Variants in AGAP1 observed in about 807,000 individuals in gnomAD.
The protein encoded by AGAP1 is arf-GAP with GTPase, ANK repeat and PH domain-containing protein 1.
A neutral mutation model predicts 105.3 loss-of-function variants in AGAP1; 29 were observed. The ratio of observed to expected loss-of-function variants is 0.28; its 90% confidence interval spans 0.21 to 0.38. AGAP1 has a LOEUF of 0.38. Ranked by LOEUF, AGAP1 falls within the 10% of genes least tolerant of loss-of-function variation. AGAP1 has a pLI of 1.00. For synonymous variants in AGAP1, 509 were observed against 485.9 expected, an observed-to-expected ratio of 1.05 and a Z score of -0.63; for missense variants, 998 against 1,165.1, an observed-to-expected ratio of 0.86 and a Z score of 2.09.
rs528411987 is a variant in AGAP1, at chr2:235,586,448, T to C, written c.163+91599T>C. ...TCGGACTCCCCTGTGGAAGGCAAGG[T>C]GGAGGCAGCTGTTATGTGGTGTGTT... On this transcript the variant is annotated intron_variant, in intron 1 of 17. Coordinates refer to ENST00000304032, the MANE Select transcript of AGAP1 (RefSeq NM_001037131.3). This position sits in a 1 kb window ranked among gnomAD's most constrained non-coding sequence, Gnocchi z 4.2. Among the ~76,000 whole-genome samples the C allele has an allele frequency of 6.3e-4, 96 of 152,276 alleles. No homozygotes were observed. Among genetic ancestry groups the C allele is most frequent in the African/African-American group, 2.2e-3 (93 of 41,568 alleles).
chr2:235,730,669 GT>G (rs1448553633), intron 3 of AGAP1, among the ~76,000 whole-genome samples: 2 of 151,942 alleles, frequency 1.3e-5, no homozygotes, highest in African/African-American at 2.4e-5. Context: ...TAAAATAAAT[GT>G]ATAAAATATT....
intron 1 of AGAP1, among the ~76,000 whole-genome samples, chr2:235,509,063 CA>C (rs1487024673): frequency 3.3e-5 from 5 of 152,220 alleles, no homozygotes; most frequent in Non-Finnish European, 7.3e-5. Flanking sequence ...CAGCCACCCT[CA>C]CCTGCTTGAA....
At chr2:235,978,904 C>T (rs997412220) in intron 13 of AGAP1, among the ~76,000 whole-genome samples, 7 of 151,420 alleles carry the variant, frequency 4.6e-5, no homozygotes, top group African/African-American at 1.5e-4. Flanking sequence ...CACTCTGATA[C>T]GTTTTTAAAA....
At position 235,721,938 on chromosome 2, in the gene AGAP1, T is replaced by G. The variant is rs1307137669; in HGVS notation, c.310+4294T>G. On this transcript the variant is annotated intron_variant, in intron 3 of 17. Coordinates refer to ENST00000304032, the MANE Select transcript of AGAP1 (RefSeq NM_001037131.3). This position sits in a 1 kb window ranked among gnomAD's most constrained non-coding sequence, Gnocchi z 4.5. The stretch of plus-strand genomic sequence containing the variant: ...GCTGTCTTAATTGTGTGATGCATTT[T>G]GGTTGATATTTTATTGTTACAGTGA... Among the ~76,000 whole-genome samples, 3 of 152,210 alleles carry G rather than the reference T, an allele frequency of 2.0e-5. No individual in the cohort carries two copies. The highest frequency in any genetic ancestry group is 7.2e-5 in the African/African-American group (3 of 41,460).
At chr2:235,802,980 G>GA (rs1957608839) in intron 8 of AGAP1, among the ~76,000 whole-genome samples, 9 of 2,094 alleles carry the variant, frequency 4.3e-3, no homozygotes, top group East Asian at 0.017. Context: ...GGTTGTGGTT[G>GA]TGATGGTTGT....
chr2:236,102,146 G>C lies in AGAP1; in HGVS notation c.2115-18046G>C, dbSNP rs7591934. Among the ~76,000 whole-genome samples the C allele has an allele frequency of 2.0e-3, 306 of 152,264 alleles. 1 individual carries two copies. The highest frequency in any genetic ancestry group is 1.0e-2 in the South Asian group (48 of 4,824). ...AAAATACAAAAATTAGGCCGGGCGCGGTGGCTCACGCCTGTAATCCCAGCA... is the reference window on the plus strand; with the variant it reads ...AAAATACAAAAATTAGGCCGGGCGCCGTGGCTCACGCCTGTAATCCCAGCA... On this transcript the variant is annotated intron_variant, in intron 16 of 17. Transcript: ENST00000304032.
chr2:236,043,545 G>A (rs2057621673), intron 15 of AGAP1, among the ~76,000 whole-genome samples: 1 of 152,180 alleles, frequency 6.6e-6, no homozygotes, highest in Non-Finnish European at 1.5e-5. Flanking sequence ...TGGCCAGCGT[G>A]GTGAAACCCC....
intron 6 of AGAP1, among the ~76,000 whole-genome samples, chr2:235,768,748 G>A (rs1051986656): frequency 6.6e-6 from 1 of 152,190 alleles, no homozygotes; most frequent in African/African-American, 2.4e-5. Flanking sequence ...AGAGAGGGTA[G>A]GCACAGCCGC....
intron 1 of AGAP1, among the ~76,000 whole-genome samples, chr2:235,671,214 AGCG>A (rs1207038011): frequency 6.6e-6 from 1 of 152,202 alleles, no homozygotes. Context: ...AGCAGGGCGC[AGCG>A]GTCCTGGGTT....
rs913816920 is a variant in AGAP1, at chr2:235,716,224, A to T, written c.223-1333A>T. Among the ~76,000 whole-genome samples, 4 of 152,118 alleles carry T rather than the reference A, an allele frequency of 2.6e-5. No homozygotes were observed. The highest frequency in any genetic ancestry group is 5.9e-5 in the Non-Finnish European group (4 of 68,012). ...TGGAGGATCAGCTGGAGATGTGAGG[A>T]TGGAGCCCTGGCGAGTCCCAGTATG... On this transcript the variant is annotated intron_variant, in intron 2 of 17. Coordinates refer to ENST00000304032, the MANE Select transcript of AGAP1 (RefSeq NM_001037131.3). The surrounding 1 kb of genome is among the most constrained non-coding windows in gnomAD (Gnocchi z 4.0).
intron 2 of AGAP1, among the ~76,000 whole-genome samples, chr2:235,715,616 G>T (rs1951063894): frequency 6.6e-6 from 1 of 152,330 alleles, no homozygotes; most frequent in Admixed American, 6.5e-5. Flanking sequence ...GGGCCTCCAG[G>T]CAGCAGGAGT....
chr2:235,688,157 C>G (rs529545397), intron 1 of AGAP1, among the ~76,000 whole-genome samples: 32 of 152,208 alleles, frequency 2.1e-4, no homozygotes, highest in Admixed American at 3.9e-4. Flanking sequence ...CTGCCCACCT[C>G]GGTCTCCCAA....
chr2:235,651,675 G>GC (rs1401766551), intron 1 of AGAP1, among the ~76,000 whole-genome samples: 2 of 152,276 alleles, frequency 1.3e-5, no homozygotes, highest in South Asian at 4.1e-4. Context: ...GCAACGTTGA[G>GC]CCCCCCGAAA....
chr2:236,058,911 T>C lies in AGAP1; in HGVS notation c.2114+9630T>C, dbSNP rs2058115982. Reference sequence around the variant, plus strand: ...TGGCCATGGTGGCACAGTTCTGTAGTCCCAGCTACTCAAGAGGCTCAGGCA... The same window carrying C: ...TGGCCATGGTGGCACAGTTCTGTAGCCCCAGCTACTCAAGAGGCTCAGGCA... On this transcript the variant is annotated intron_variant, in intron 16 of 17. Coordinates refer to ENST00000304032, the MANE Select transcript of AGAP1 (RefSeq NM_001037131.3). The surrounding 1 kb of genome is among the most constrained non-coding windows in gnomAD (Gnocchi z 4.6). Among the ~76,000 whole-genome samples the C allele has an allele frequency of 6.6e-6, 1 of 152,202 alleles. No homozygotes were observed. Among genetic ancestry groups the C allele is most frequent in the Non-Finnish European group, 1.5e-5 (1 of 68,038 alleles).
At chr2:235,661,487 C>T (rs1947950677) in intron 1 of AGAP1, among the ~76,000 whole-genome samples, 2 of 123,398 alleles carry the variant, frequency 1.6e-5, no homozygotes, top group South Asian at 4.9e-4. Flanking sequence ...GTGATAGTTT[C>T]AAGGAATCCT....
intron 10 of AGAP1, among the ~76,000 whole-genome samples, chr2:235,897,499 A>G (rs1442243687): frequency 6.6e-6 from 1 of 152,196 alleles, no homozygotes; most frequent in Non-Finnish European, 1.5e-5. Flanking sequence ...GTGTGGCTGG[A>G]GGGTTTGAGT....
chr2:236,120,536 G>C lies in AGAP1; in HGVS notation c.2370+89G>C. The C allele has an allele frequency of 6.4e-7, 1 of 1,572,004 alleles. No individual in the cohort carries two copies. Among genetic ancestry groups the C allele is most frequent in the South Asian group, 1.2e-5 (1 of 84,118 alleles). On this transcript the variant is annotated intron_variant, in intron 17 of 17. Coordinates refer to ENST00000304032, the MANE Select transcript of AGAP1 (RefSeq NM_001037131.3). The surrounding 1 kb of genome is among the most constrained non-coding windows in gnomAD (Gnocchi z 6.0). The stretch of plus-strand genomic sequence containing the variant: ...TTCCGTGGGCATCTTTCTGGCAGAA[G>C]GCTGTTGTTCTCGATCTGCAAGTGG...
rs1944446249 is a variant in AGAP1 at position 235,569,334 on chromosome 2, G to C, written c.163+74485G>C. 6.6e-6 allele frequency among the ~76,000 whole-genome samples: 1 copy of C among 152,086 alleles called. No homozygotes were observed. Among genetic ancestry groups the C allele is most frequent in the Non-Finnish European group, 1.5e-5 (1 of 68,022 alleles). On this transcript the variant is annotated intron_variant, in intron 1 of 17. Transcript: ENST00000304032. The surrounding 1 kb of genome is among the most constrained non-coding windows in gnomAD (Gnocchi z 5.9). ...CATCTCAAAAAAAAGGATCTTGGAG[G>C]AAGTACATGACCCCGAGTGGGTGCC...
At chr2:235,513,465 G>A (rs1328233601) in intron 1 of AGAP1, among the ~76,000 whole-genome samples, 7 of 148,692 alleles carry the variant, frequency 4.7e-5, no homozygotes, top group African/African-American at 1.5e-4. Context: ...AGGTCGCAGC[G>A]AACTGAGATC....
Sources: gnomAD v4.1 joint callset for allele counts (sites outside exome capture counted in the v4.1 genomes callset) on GRCh38, gnomAD v4.1.1 for gene constraint, Gnocchi (gnomAD v3.1) non-coding constraint, MANE v1.5 for transcripts, NCBI Gene and HGNC (gene_info 2026-07-23, HGNC 2026-07-21) for gene names.